Variants in COL6A3 observed in about 807,000 individuals in gnomAD.
COL6A3 encodes the protein collagen alpha-3(VI) chain.
A neutral mutation model predicts 274.1 loss-of-function variants in COL6A3; 137 were observed. The observed-to-expected ratio is 0.50, with a 90% CI of 0.44 to 0.58. The LOEUF is 0.58. Among genes scored for constraint, COL6A3 ranks in the 20% least tolerant of loss-of-function variants. COL6A3 has a pLI of 0.00. For synonymous variants in COL6A3, 1,650 were observed against 1,650.6 expected, an observed-to-expected ratio of 1.00 and a Z score of 0.01; for missense variants, 3,950 against 4,124.9, an observed-to-expected ratio of 0.96 and a Z score of 1.16.
chr2:237,397,247 AAGGG>A (rs2078471342), intron 1 of COL6A3, among the ~76,000 whole-genome samples: 1 of 145,068 alleles, frequency 6.9e-6, no homozygotes, highest in African/African-American at 2.6e-5. Context: ...GAAGGAAGGG[AAGGG>A]AAGGAAGGAA....
chr2:237,349,213 C>G (rs774578411), intron 28 of COL6A3, among the ~76,000 whole-genome samples: 3 of 151,758 alleles, frequency 2.0e-5, no homozygotes, highest in Non-Finnish European at 2.9e-5. Context: ...GCATTCAGAA[C>G]TGGACGTCAT....
chr2:237,330,345 C>G (rs1388272673), intron 42 of COL6A3, among the ~76,000 whole-genome samples: 1 of 152,106 alleles, frequency 6.6e-6, no homozygotes, highest in East Asian at 1.9e-4. Context: ...TTTCAGGAGG[C>G]CACGGTAACG....
At position 237,350,106 on chromosome 2, in the gene COL6A3, GAGTC is replaced by G. The variant is rs1358280772; in HGVS notation, c.6879+37_6879+40del. ...CTGGCTTCCTGCACCTTCCAGCAAA[GAGTC>G]AGCGACAGCCTGACCCCAAGCGCGC... is the stretch of plus-strand genomic sequence containing the variant. On this transcript the variant is annotated intron_variant, in intron 28 of 43. Coordinates refer to ENST00000295550, the MANE Select transcript of COL6A3 (RefSeq NM_004369.4). The G allele has an allele frequency of 2.5e-6, 4 of 1,598,130 alleles. No homozygotes were observed. The African/African-American group carries it at 5.4e-5, about 21-fold the overall frequency.
rs563941574 is a variant in COL6A3 at position 237,361,981 on chromosome 2, G to A, written c.6064-150C>T. On this transcript the variant is annotated intron_variant, in intron 14 of 43. Transcript: ENST00000295550. The surrounding 1 kb of genome is among the most constrained non-coding windows in gnomAD (Gnocchi z 5.1). ...AGGTGACATTTGCTGGACGACTGAC[G>A]ATATGATAGAAATTGCCAGCGAAGT... 14 of 779,588 alleles carry A rather than the reference G, an allele frequency of 1.8e-5. No homozygotes were observed. The highest frequency in any genetic ancestry group is 2.2e-4 in the Middle Eastern group (1 of 4,478). 48.3% of individuals were successfully genotyped at this position (779,588 alleles called of 1,614,324 possible). A position where few individuals can be genotyped will look rare whatever the true frequency, so the allele number is the denominator to read the frequency against.
intron 42 of COL6A3, among the ~76,000 whole-genome samples, chr2:237,330,957 A>G (rs1019667161): frequency 6.6e-6 from 1 of 152,228 alleles, no homozygotes; most frequent in African/African-American, 2.4e-5. Context: ...ACTATGAAAA[A>G]TACAGATTCT....
rs2077496800 is a variant in COL6A3 at position 237,364,144 on chromosome 2, T to C, written c.5917+206A>G. On this transcript the variant is annotated intron_variant, in intron 13 of 43. Coordinates refer to ENST00000295550, the MANE Select transcript of COL6A3 (RefSeq NM_004369.4). This position sits in a 1 kb window ranked among gnomAD's most constrained non-coding sequence, Gnocchi z 4.6. ...AACAGCCACAACACAACAGTAAAGC[T>C]GTCTAAGTACAGAAGGAATTTTTGT... 6.6e-6 allele frequency among the ~76,000 whole-genome samples: 1 copy of C among 152,184 alleles called. No individual in the cohort carries two copies.
At position 237,333,568 on chromosome 2, in the gene COL6A3, G is replaced by A; in HGVS notation, c.9230-20C>T. The A allele has an allele frequency of 6.3e-7, 1 of 1,598,294 alleles. No homozygotes were observed. The highest frequency in any genetic ancestry group is 8.6e-7 in the Non-Finnish European group (1 of 1,165,778). On this transcript the variant is annotated intron_variant, in intron 41 of 43. Transcript: ENST00000295550. Reference sequence around the variant, plus strand: ...ATTTCTCTATAAAAGAAAAATATATGCAACTCGTAGGTAAATCAGAAACAG... The same window carrying A: ...ATTTCTCTATAAAAGAAAAATATATACAACTCGTAGGTAAATCAGAAACAG...
At chr2:237,409,792 A>T (rs2078809877) in intron 1 of COL6A3, among the ~76,000 whole-genome samples, 1 of 152,226 alleles carries the variant, frequency 6.6e-6, no homozygotes, top group Non-Finnish European at 1.5e-5. Context: ...AAAATCCGGT[A>T]ATTCTACAGG....
chr2:237,378,890 A>G lies in COL6A3; in HGVS notation c.2243T>C (p.Leu748Pro). The change falls in exon 6 of 44, where the codon CTT becomes CCT. Residue 748 changes from leucine to proline, a missense_variant. Leu to Pro is a moderately conservative substitution (Grantham distance 98). Around this residue, in one of 5 missense-constraint regions of COL6A3, gnomAD observed 1,934 missense variants for 1,984.3 expected, o/e 0.97. Coordinates refer to ENST00000295550, the MANE Select transcript of COL6A3 (RefSeq NM_004369.4). ...RIREHVPQLL[L>P]LLTAGQSEDS... ...CTCAGACTGCCCAGCTGTGAGCAGA[A>G]GCAGGAGCTGCGGCACGTGTTCACG... 1 of 1,614,230 alleles carries G rather than the reference A, an allele frequency of 6.2e-7. No homozygotes were observed. Among genetic ancestry groups the G allele is most frequent in the African/African-American group, 1.3e-5 (1 of 75,060 alleles).
Position 237,374,649 on chromosome 2 carries a change from C to A in COL6A3, c.3442G>T (p.Val1148Leu), listed in dbSNP as rs1456484078. 1.9e-6 allele frequency: 3 copies of A among 1,614,058 alleles called. No homozygotes were observed. In the Admixed American group the frequency reaches 5.0e-5, roughly 27 times the overall value. ...VLTADRSGDD[V>L]RNPSVVVKRG... ...TTCACGACCACGGAGGGGTTCCGCA[C>A]ATCATCCCCAGACCTGTCGGCCGTG... Residue 1148 changes from valine (V) to leucine (L), a missense_variant, in exon 8 of 44, where the codon GTG becomes TTG. This residue lies in a region of COL6A3 where 1,934 missense variants were observed against 1,984.3 expected (regional missense o/e 0.97). Transcript: ENST00000295550. This position sits in a 1 kb window ranked among gnomAD's most constrained non-coding sequence, Gnocchi z 4.8.
intron 40 of COL6A3, 42 bp from the exon 41 acceptor site, chr2:237,334,931 T>C: frequency 6.2e-7 from 1 of 1,611,244 alleles, no homozygotes; most frequent in South Asian, 1.1e-5. Context: ...AATAAAATCC[T>C]CCATGACTGT....
intron 32 of COL6A3, 83 bp from the exon 33 acceptor site, chr2:237,345,296 G>A: frequency 1.4e-6 from 2 of 1,400,180 alleles, no homozygotes; most frequent in Non-Finnish European, 2.0e-6. Context: ...GAAATACACA[G>A]AGCAAGACAA....
intron 1 of COL6A3, among the ~76,000 whole-genome samples, chr2:237,402,064 C>T (rs532041771): frequency 1.1e-4 from 17 of 152,278 alleles, no homozygotes; most frequent in Non-Finnish European, 2.2e-4. Context: ...ATCCTTTTAT[C>T]TACTACAACA....
intron 36 of COL6A3, chr2:237,342,523 T>C (rs2077008689): frequency 3.7e-6 from 1 of 267,116 alleles, no homozygotes; most frequent in Non-Finnish European, 7.3e-6. Flanking sequence ...ATCTTATCGT[T>C]ATTTTTAGCA....
rs1303793547 is a variant in COL6A3, at chr2:237,324,041, A to G, written c.*733T>C. 6.6e-6 allele frequency: 1 copy of G among 152,594 alleles called. No individual in the cohort carries two copies. The highest frequency in any genetic ancestry group is 2.4e-5 in the African/African-American group (1 of 41,438). 9.5% of individuals were successfully genotyped at this position (152,594 alleles called of 1,614,324 possible). A position where few individuals can be genotyped will look rare whatever the true frequency, so the allele number is the denominator to read the frequency against. On this transcript the variant is annotated 3_prime_UTR_variant, in exon 44 of 44. Transcript: ENST00000295550. ...GGAAACTTTCAATATACTTTATTAA[A>G]AAGTTTCTTTGTATAAATTTCCTAA...
At chr2:237,403,169 C>T (rs1424430899) in intron 1 of COL6A3, among the ~76,000 whole-genome samples, 3 of 152,106 alleles carry the variant, frequency 2.0e-5, no homozygotes, top group Non-Finnish European at 4.4e-5. Flanking sequence ...GTGGATTTGC[C>T]GTGAAATTCC....
At chr2:237,333,668 T>C (rs1437785074) in intron 41 of COL6A3, 120 bp from the exon 42 acceptor site, 1 of 843,414 alleles carries the variant, frequency 1.2e-6, no homozygotes. Flanking sequence ...GGAGTGGTGA[T>C]TGAAAGACAC....
At chr2:237,395,281 CA>C (rs1051788314) in intron 2 of COL6A3, 77 bp from the exon 3 acceptor site, 2 of 1,527,874 alleles carry the variant, frequency 1.3e-6, no homozygotes, top group African/African-American at 2.7e-5. Flanking sequence ...CCTTCCTAAA[CA>C]AATTTGGTTT....
rs75071027 is a variant in COL6A3, at chr2:237,374,438, G to A, written c.3653C>T (p.Pro1218Leu). The A allele has an allele frequency of 1.5e-5, 25 of 1,613,204 alleles. No homozygotes were observed. Among genetic ancestry groups the A allele is most frequent in the Admixed American group, 5.0e-5 (3 of 60,002 alleles). The change falls in exon 8 of 44, where the codon CCG (proline) becomes CTG (leucine). Residue 1218 changes from proline to leucine, a missense_variant. Coordinates refer to ENST00000295550, the MANE Select transcript of COL6A3 (RefSeq NM_004369.4). The surrounding 1 kb of genome is among the most constrained non-coding windows in gnomAD (Gnocchi z 4.8). ...LTREELSRLQ[P>L]VLQPLPSPGV... ...TGGGCTCGGTAGAGGCTGCAACACC[G>A]GCTGCAGCCTGCTCAGCTCCTCGCG...
Sources: gnomAD v4.1 joint callset for allele counts (sites outside exome capture counted in the v4.1 genomes callset) on GRCh38, gnomAD v4.1.1 for gene constraint, gnomAD v4.1.1 regional missense constraint, Gnocchi (gnomAD v3.1) non-coding constraint, MANE v1.5 for transcripts, NCBI Gene and HGNC (gene_info 2026-07-23, HGNC 2026-07-21) for gene names.